MSRB3: variants seen among roughly 807,000 people sequenced by gnomAD.
MSRB3 encodes methionine sulfoxide reductase B3.
Under a neutral mutation model 21.0 loss-of-function variants are expected in MSRB3, and 13 were observed. The ratio of observed to expected loss-of-function variants is 0.62; its 90% CI spans 0.40 to 0.98. The LOEUF (loss-of-function observed/expected upper bound fraction) is 0.98, where lower values mean the gene tolerates loss of function less well. Ranked by LOEUF, MSRB3 falls within the 50% of genes least tolerant of loss-of-function variation. The pLI is 0.00. For missense variants in MSRB3, 199 were observed against 230.3 expected (o/e 0.86, Z 0.88); for synonymous variants, 87 against 88.6 (o/e 0.98, Z 0.10).
At chr12:65,403,333 G>A (rs1880235280) in intron 5 of MSRB3, among the ~76,000 whole-genome samples, 1 of 152,126 alleles carries the variant, frequency 6.6e-6, no homozygotes, top group African/African-American at 2.4e-5. Flanking sequence ...AGGTAGTCTT[G>A]GCTACAGTGG....
chr12:65,328,352 A>G (rs1367714431), intron 3 of MSRB3, among the ~76,000 whole-genome samples, 174 bp from the exon 4 acceptor site: 1 of 151,964 alleles, frequency 6.6e-6, no homozygotes, highest in Non-Finnish European at 1.5e-5. Context: ...TGCACATTTT[A>G]TTATATAGAT....
intron 5 of MSRB3, among the ~76,000 whole-genome samples, chr12:65,425,530 G>T (rs1036837293): frequency 2.6e-5 from 4 of 151,384 alleles, no homozygotes; most frequent in African/African-American, 9.7e-5. Flanking sequence ...GTAGCTTTTT[G>T]TTTTATGACT....
intron 5 of MSRB3, among the ~76,000 whole-genome samples, chr12:65,371,261 G>A (rs540410447): frequency 6.7e-6 from 1 of 148,302 alleles, no homozygotes; most frequent in South Asian, 2.1e-4. Flanking sequence ...CCAGGAGGCA[G>A]AGGTTGCAGT....
chr12:65,383,664 T>TC (rs1293834422), intron 5 of MSRB3, among the ~76,000 whole-genome samples: 1 of 148,406 alleles, frequency 6.7e-6, no homozygotes, highest in African/African-American at 2.5e-5. Flanking sequence ...AGTAGAATTT[T>TC]TTTTTTTTTT....
chr12:65,397,739 CT>C (rs894588252), intron 5 of MSRB3, among the ~76,000 whole-genome samples: 2 of 152,100 alleles, frequency 1.3e-5, no homozygotes, highest in African/African-American at 4.8e-5. Context: ...GGTATTTCTC[CT>C]GATGCTATCT....
Position 65,310,882 on chromosome 12 carries a change from G to C in MSRB3, c.76+2227G>C, listed in dbSNP as rs142756675. Among the ~76,000 whole-genome samples, 487 of 152,282 alleles carry C rather than the reference G, an allele frequency of 3.2e-3. 1 individual carries two copies. The highest frequency in any genetic ancestry group is 0.027 in the Middle Eastern group (8 of 294). ...CCTTAGCTTCCTTGTTTGTAACATGGAGATAATAATAGTACCAACCTGAAA... is the reference window on the plus strand; with the variant it reads ...CCTTAGCTTCCTTGTTTGTAACATGCAGATAATAATAGTACCAACCTGAAA... On this transcript the variant is annotated intron_variant, in intron 2 of 6. Transcript: ENST00000308259.
chr12:65,284,182 G>C (rs1872206898), intron 1 of MSRB3: 1 of 152,220 alleles, frequency 6.6e-6, no homozygotes, highest in Non-Finnish European at 1.5e-5. Flanking sequence ...GATTGGGTTA[G>C]TAAGTTATGA....
intron 1 of MSRB3, among the ~76,000 whole-genome samples, chr12:65,295,379 A>AT (rs1392945736): frequency 6.6e-6 from 1 of 152,164 alleles, no homozygotes; most frequent in Non-Finnish European, 1.5e-5. Flanking sequence ...ATTCTATATG[A>AT]TTTTGTATTA....
At chr12:65,279,141 C>A in intron 1 of MSRB3, 2 of 1,248,220 alleles carry the variant, frequency 1.6e-6, no homozygotes, top group Non-Finnish European at 2.1e-6. Flanking sequence ...TTATCCTGTC[C>A]CGGGAGCGAA....
intron 2 of MSRB3, among the ~76,000 whole-genome samples, chr12:65,315,133 G>T (rs938028670): frequency 3.3e-5 from 5 of 152,094 alleles, no homozygotes; most frequent in Non-Finnish European, 7.4e-5. Flanking sequence ...TTTAGAGATT[G>T]AATTTCTCAT....
chr12:65,410,539 G>T (rs2136623512), intron 5 of MSRB3, among the ~76,000 whole-genome samples: 1 of 152,232 alleles, frequency 6.6e-6, no homozygotes, highest in South Asian at 2.1e-4. Context: ...AGCTACTTGG[G>T]GGGCTGAGGT....
chr12:65,303,334 C>A (rs1304415081), intron 1 of MSRB3, among the ~76,000 whole-genome samples: 1 of 152,100 alleles, frequency 6.6e-6, no homozygotes, highest in East Asian at 1.9e-4. Flanking sequence ...AAAACCCTAG[C>A]AGATTAACTT....
intron 4 of MSRB3, among the ~76,000 whole-genome samples, chr12:65,336,362 T>C (rs902126185): frequency 5.9e-5 from 9 of 152,222 alleles, no homozygotes; most frequent in African/African-American, 1.7e-4. Flanking sequence ...TATAACTGCA[T>C]TTTTCTTTTT....
chr12:65,430,417 G>A (rs1235040719), intron 5 of MSRB3, among the ~76,000 whole-genome samples: 2 of 152,152 alleles, frequency 1.3e-5, no homozygotes, highest in African/African-American at 2.4e-5. Flanking sequence ...CCCTGGGAAA[G>A]ATTAAACAGA....
intron 5 of MSRB3, among the ~76,000 whole-genome samples, chr12:65,380,081 A>C (rs1360530844): frequency 6.6e-6 from 1 of 152,252 alleles, no homozygotes; most frequent in Non-Finnish European, 1.5e-5. Context: ...TTTAGAAGAC[A>C]TGAATTACTT....
intron 5 of MSRB3, among the ~76,000 whole-genome samples, chr12:65,393,077 A>G (rs1416825746): frequency 6.6e-6 from 1 of 152,070 alleles, no homozygotes; most frequent in Non-Finnish European, 1.5e-5. Flanking sequence ...ATTCCTTTCT[A>G]TTAAAAATAT....
At chr12:65,378,613 G>T (rs754600935) in intron 5 of MSRB3, among the ~76,000 whole-genome samples, 6 of 152,192 alleles carry the variant, frequency 3.9e-5, no homozygotes, top group Non-Finnish European at 8.8e-5. Context: ...CATTAAAAAG[G>T]TTGCTGGCCA....
At chr12:65,400,296 T>C (rs1297114078) in intron 5 of MSRB3, among the ~76,000 whole-genome samples, 4 of 152,040 alleles carry the variant, frequency 2.6e-5, no homozygotes, top group Non-Finnish European at 4.4e-5. Flanking sequence ...AACCTGTTAT[T>C]GGTCTATTCA....
intron 4 of MSRB3, among the ~76,000 whole-genome samples, chr12:65,365,322 C>T (rs1415536365): frequency 6.6e-6 from 1 of 152,068 alleles, no homozygotes; most frequent in African/African-American, 2.4e-5. Context: ...TGCCAGGCCC[C>T]CACTGTGGGG....
Sources: allele counts gnomAD v4.1 joint callset (sites outside exome capture counted in the v4.1 genomes callset), GRCh38; gene constraint gnomAD v4.1.1; transcripts MANE v1.5; gene names NCBI Gene and HGNC (gene_info 2026-07-23, HGNC 2026-07-21).